The following IGF2BP2 variants were observed in gnomAD, a reference collection of about 807,000 sequenced individuals.
IGF2BP2 encodes the protein insulin-like growth factor 2 mRNA-binding protein 2.
IGF2BP2 carries 17 observed loss-of-function variants against 75.8 expected under a neutral mutation model. The observed-to-expected ratio is 0.22, with a 90% CI of 0.15 to 0.34. The LOEUF (loss-of-function observed/expected upper bound fraction) is 0.34, where lower values mean the gene tolerates loss of function less well. IGF2BP2 is among the 10% of genes least tolerant of loss of function. The pLI is 1.00. For missense variants in IGF2BP2, 516 were observed against 772.4 expected (o/e 0.67, Z 3.93); for synonymous variants, 288 against 295.6 (o/e 0.97, Z 0.26).
At chr3:185,683,424 T>C (rs1043463227) in intron 7 of IGF2BP2, among the ~76,000 whole-genome samples, 3 of 151,656 alleles carry the variant, frequency 2.0e-5, no homozygotes, top group African/African-American at 4.9e-5. Flanking sequence ...TTTTTTTTTT[T>C]CTGAGATGGA....
At chr3:185,778,931 T>C (rs1734860145) in intron 2 of IGF2BP2, among the ~76,000 whole-genome samples, 1 of 152,154 alleles carries the variant, frequency 6.6e-6, no homozygotes, top group Non-Finnish European at 1.5e-5. Flanking sequence ...CACTCTGGCC[T>C]TAGAGGTTCC....
intron 2 of IGF2BP2, among the ~76,000 whole-genome samples, chr3:185,821,370 G>T (rs1741354147): frequency 6.6e-6 from 1 of 152,144 alleles, no homozygotes; most frequent in Non-Finnish European, 1.5e-5. Context: ...ATAAATCCTA[G>T]ATTGCTCTTT....
At chr3:185,797,696 G>C (rs1388891169) in intron 2 of IGF2BP2, among the ~76,000 whole-genome samples, 1 of 151,974 alleles carries the variant, frequency 6.6e-6, no homozygotes, top group Non-Finnish European at 1.5e-5. Flanking sequence ...CTGGGCCCAG[G>C]AGTTCGAGAC....
rs1052847180 is a variant in IGF2BP2 at position 185,735,179 on chromosome 3, T to C, written c.240-36832A>G. On this transcript the variant is annotated intron_variant, in intron 2 of 15. Coordinates refer to ENST00000382199, the MANE Select transcript of IGF2BP2 (RefSeq NM_006548.6). ...TTTTTTTTTTGAGACCAAGTCTCGC[T>C]CTGTCGCCCAGGCTGGAGTGCAGCG... is the stretch of plus-strand genomic sequence containing the variant. Among the ~76,000 whole-genome samples the C allele has an allele frequency of 1.4e-4, 21 of 150,016 alleles. 1 individual carries two copies. Among genetic ancestry groups the C allele is most frequent in the Non-Finnish European group, 2.5e-4 (17 of 67,774 alleles).
chr3:185,807,185 T>C (rs1739138321), intron 2 of IGF2BP2, among the ~76,000 whole-genome samples: 1 of 152,154 alleles, frequency 6.6e-6, no homozygotes, highest in Non-Finnish European at 1.5e-5. Context: ...GTTTCTGAGA[T>C]AATACAGAAA....
intron 2 of IGF2BP2, among the ~76,000 whole-genome samples, chr3:185,707,368 C>T (rs1047690059): frequency 4.8e-4 from 56 of 116,986 alleles, no homozygotes; most frequent in African/African-American, 1.8e-3. Flanking sequence ...AGGGCACTGG[C>T]GCAATCTTGG....
chr3:185,812,888 A>G (rs2150022013), intron 2 of IGF2BP2, among the ~76,000 whole-genome samples: 1 of 152,320 alleles, frequency 6.6e-6, no homozygotes, highest in South Asian at 2.1e-4. Flanking sequence ...TTGGCCTAGA[A>G]ATTTATAAGG....
intron 2 of IGF2BP2, among the ~76,000 whole-genome samples, chr3:185,799,103 G>A (rs893266717): frequency 6.7e-6 from 1 of 148,828 alleles, no homozygotes; most frequent in Non-Finnish European, 1.5e-5. Context: ...CAACATTTAG[G>A]AGAAAGAAGC....
chr3:185,769,001 T>G (rs1733492451), intron 2 of IGF2BP2, among the ~76,000 whole-genome samples: 1 of 152,178 alleles, frequency 6.6e-6, no homozygotes, highest in Non-Finnish European at 1.5e-5. Context: ...CACTCCAGCC[T>G]GGGCGACAGA....
intron 5 of IGF2BP2, among the ~76,000 whole-genome samples, 168 bp from the exon 6 acceptor site, chr3:185,689,795 C>T (rs983065650): frequency 5.3e-5 from 8 of 151,658 alleles, no homozygotes; most frequent in South Asian, 2.1e-4. Flanking sequence ...GGTGAAACCC[C>T]GTCTCTACTA....
At chr3:185,686,845 G>C (rs1158640007) in intron 7 of IGF2BP2, among the ~76,000 whole-genome samples, 1 of 151,948 alleles carries the variant, frequency 6.6e-6, no homozygotes, top group East Asian at 1.9e-4. Flanking sequence ...ATCACCGAGA[G>C]ACATGCAAGT....
At position 185,713,448 on chromosome 3, in the gene IGF2BP2, C is replaced by G. The variant is rs868593574; in HGVS notation, c.240-15101G>C. On this transcript the variant is annotated intron_variant, in intron 2 of 15. Coordinates refer to ENST00000382199, the MANE Select transcript of IGF2BP2 (RefSeq NM_006548.6). ...GTTTAATGGCAACACCACTAGATAA[C>G]TGTCTAAGGCCCTTTCCAGATCCAA... 3 of 519,908 alleles carry G rather than the reference C, an allele frequency of 5.8e-6. No homozygotes were observed. The African/African-American group carries it at 5.8e-5, about 10-fold the overall frequency. 32.2% of individuals were successfully genotyped at this position (519,908 alleles called of 1,614,324 possible).
intron 15 of IGF2BP2, among the ~76,000 whole-genome samples, chr3:185,646,388 A>T (rs1475954105): frequency 6.6e-6 from 1 of 152,188 alleles, no homozygotes; most frequent in African/African-American, 2.4e-5. Context: ...ACAAACCTTC[A>T]GTGTCTGCTT....
In IGF2BP2 at chr3:185,685,087, C is replaced by T. The variant is rs190331536; in HGVS notation, c.812+1970G>A. 3.3e-5 allele frequency among the ~76,000 whole-genome samples: 5 copies of T among 152,268 alleles called. No individual in the cohort carries two copies. The East Asian group carries it at 9.6e-4, about 29-fold the overall frequency. On this transcript the variant is annotated intron_variant, in intron 7 of 15. Coordinates refer to ENST00000382199, the MANE Select transcript of IGF2BP2 (RefSeq NM_006548.6). ...AGGTGGCTGGGCGCAGTGGCTCACA[C>T]CTGTAATCCCAGCACATTGGGAGGC...
intron 7 of IGF2BP2, among the ~76,000 whole-genome samples, chr3:185,686,633 T>C (rs1421545217): frequency 1.3e-5 from 2 of 152,176 alleles, no homozygotes; most frequent in African/African-American, 2.4e-5. Flanking sequence ...GCTATACACA[T>C]GGCTACCAAA....
intron 2 of IGF2BP2, among the ~76,000 whole-genome samples, chr3:185,704,154 A>G (rs1723689931): frequency 6.6e-6 from 1 of 152,176 alleles, no homozygotes; most frequent in African/African-American, 2.4e-5. Flanking sequence ...AGATGATAAA[A>G]GGGATTTCCT....
At chr3:185,720,519 A>AT (rs1726368330) in intron 2 of IGF2BP2, among the ~76,000 whole-genome samples, 1 of 152,164 alleles carries the variant, frequency 6.6e-6, no homozygotes, top group Non-Finnish European at 1.5e-5. Flanking sequence ...ATTGGAAAGG[A>AT]TGCACACAAT....
At chr3:185,713,851 C>A (rs973531770) in intron 2 of IGF2BP2, among the ~76,000 whole-genome samples, 1 of 152,184 alleles carries the variant, frequency 6.6e-6, no homozygotes. Flanking sequence ...CAGGCACCCA[C>A]CACCACACCC....
At chr3:185,685,041 C>T (rs1720918094) in intron 7 of IGF2BP2, among the ~76,000 whole-genome samples, 1 of 151,952 alleles carries the variant, frequency 6.6e-6, no homozygotes, top group Non-Finnish European at 1.5e-5. Flanking sequence ...GTTGTTTGCA[C>T]CTAGGTTGAA....
Sources: allele counts gnomAD v4.1 joint callset (sites outside exome capture counted in the v4.1 genomes callset), GRCh38; gene constraint gnomAD v4.1.1; transcripts MANE v1.5; gene names NCBI Gene and HGNC (gene_info 2026-07-23, HGNC 2026-07-21).